The following ATP13A4 variants were observed in gnomAD, a reference collection of about 807,000 sequenced individuals.
ATP13A4 encodes probable cation-transporting ATPase 13A4.
In ATP13A4, 114 loss-of-function variants were observed where a neutral mutation model predicts 142.5. The observed-to-expected ratio is 0.80, with a 90% CI of 0.69 to 0.93. The LOEUF is 0.93. Ranked by LOEUF, ATP13A4 falls within the 40% of genes least tolerant of loss-of-function variation. The pLI is 0.00. For synonymous variants in ATP13A4, 488 were observed against 514.8 expected (o/e 0.95, Z 0.70); for missense variants, 1,392 against 1,454.0 (o/e 0.96, Z 0.69).
At chr3:193,416,778 G>A (rs558989321) in intron 25 of ATP13A4, among the ~76,000 whole-genome samples, 2 of 152,262 alleles carry the variant, frequency 1.3e-5, no homozygotes, top group African/African-American at 4.8e-5. Flanking sequence ...ATCGGAAGGA[G>A]AGAAGAGAAA....
intron 25 of ATP13A4, among the ~76,000 whole-genome samples, 170 bp from the exon 26 acceptor site, chr3:193,414,920 G>T (rs1714977376): frequency 6.6e-6 from 1 of 152,096 alleles, no homozygotes; most frequent in Non-Finnish European, 1.5e-5. Flanking sequence ...GTCATGTAAA[G>T]AATTCTTAAA....
intron 2 of ATP13A4, among the ~76,000 whole-genome samples, chr3:193,571,278 C>CAAAAAAAACAAAAA (rs1553862022): frequency 3.1e-5 from 3 of 95,712 alleles, no homozygotes; most frequent in Non-Finnish European, 5.9e-5. Context: ...GACCTTGTCT[C>CAAAAAAAACAAAAA]AAAAAAAAAA....
intron 10 of ATP13A4, among the ~76,000 whole-genome samples, chr3:193,466,501 C>T (rs1218789716): frequency 3.3e-5 from 5 of 152,106 alleles, no homozygotes; most frequent in Admixed American, 2.0e-4. Context: ...AACGTGTGCA[C>T]GCACACACAT....
Position 193,402,526 on chromosome 3 carries a change from CCATGATTTGATAGGTAG to C in ATP13A4, c.*109_*125del. On this transcript the variant is annotated 3_prime_UTR_variant, in exon 30 of 30. Coordinates refer to ENST00000342695, the MANE Select transcript of ATP13A4 (RefSeq NM_032279.4). Reference sequence around the variant, plus strand: ...TTATCAAACAGACTTTAGTTTGTCACCATGATTTGATAGGTAGCCCCAAAACTCCAGCTGATGTTACA... The same window carrying C: ...TTATCAAACAGACTTTAGTTTGTCACCCCCAAAACTCCAGCTGATGTTACA... 1 of 671,690 alleles carries C rather than the reference CCATGATTTGATAGGTAG, an allele frequency of 1.5e-6. No homozygotes were observed. Among genetic ancestry groups the C allele is most frequent in the Non-Finnish European group, 2.7e-6 (1 of 371,456 alleles). The allele number at this position is 671,690 out of a possible 1,614,324, so 41.6% of individuals were successfully genotyped here.
At chr3:193,515,545 T>C (rs570798678) in intron 1 of ATP13A4, among the ~76,000 whole-genome samples, 1 of 152,304 alleles carries the variant, frequency 6.6e-6, no homozygotes, top group Non-Finnish European at 1.5e-5. Context: ...CAAACAATTT[T>C]ATGTCAAGAG....
At chr3:193,551,203 A>G (rs930800475) in intron 1 of ATP13A4, among the ~76,000 whole-genome samples, 1 of 152,112 alleles carries the variant, frequency 6.6e-6, no homozygotes, top group Non-Finnish European at 1.5e-5. Flanking sequence ...CACAAGGTCA[A>G]GAGATTAAGA....
chr3:193,414,454 C>T, intron 26 of ATP13A4, 125 bp downstream of exon 26: 1 of 1,061,986 alleles, frequency 9.4e-7, no homozygotes. Context: ...AAAATTTGCC[C>T]AAGGGACTTT....
chr3:193,501,674 A>C (rs1190314924), intron 3 of ATP13A4, among the ~76,000 whole-genome samples: 2 of 152,116 alleles, frequency 1.3e-5, no homozygotes, highest in African/African-American at 4.8e-5. Flanking sequence ...TAAATAACTG[A>C]ACTTGAGCTC....
chr3:193,585,811 T>C lies in ATP13A4; in HGVS notation n.92-3905A>G, dbSNP rs148897563. Among the ~76,000 whole-genome samples the C allele has an allele frequency of 2.9e-3, 437 of 152,286 alleles. 3 individuals are homozygous for C. Among genetic ancestry groups the C allele is most frequent in the South Asian group, 0.017 (81 of 4,826 alleles). ...GCTATGAACATGTTTGTACAAGACTTTCCATGAACACGTTTTTACTTCTCC... is the reference window on the plus strand; with the variant it reads ...GCTATGAACATGTTTGTACAAGACTCTCCATGAACACGTTTTTACTTCTCC... On this transcript the variant is annotated intron_variant and non_coding_transcript_variant, in intron 1 of 3. Coordinates refer to the ATP13A4 transcript ENST00000489140.
At chr3:193,448,563 T>C (rs1441596429) in intron 17 of ATP13A4, among the ~76,000 whole-genome samples, 5 of 152,152 alleles carry the variant, frequency 3.3e-5, no homozygotes, top group Non-Finnish European at 7.3e-5. Flanking sequence ...CTTGAACTCC[T>C]GAATTCAAGT....
chr3:193,476,033 C>T (rs537443672), intron 8 of ATP13A4, among the ~76,000 whole-genome samples: 1 of 152,036 alleles, frequency 6.6e-6, no homozygotes, highest in East Asian at 1.9e-4. Context: ...GTAAAAAGCC[C>T]ATAGTGCTAA....
chr3:193,452,430 G>A (rs1441536872), intron 17 of ATP13A4, among the ~76,000 whole-genome samples: 3 of 152,102 alleles, frequency 2.0e-5, no homozygotes, highest in Non-Finnish European at 4.4e-5. Flanking sequence ...AGGAAGAATG[G>A]TCCAACAAGC....
chr3:193,590,777 T>C (rs1168809296), intron 1 of ATP13A4, among the ~76,000 whole-genome samples: 6 of 152,214 alleles, frequency 3.9e-5, no homozygotes, highest in African/African-American at 1.2e-4. Flanking sequence ...GCAGTTTCAA[T>C]ATAAGTAGTG....
chr3:193,511,490 C>T (rs954311779), intron 2 of ATP13A4, among the ~76,000 whole-genome samples: 3 of 152,142 alleles, frequency 2.0e-5, no homozygotes, highest in Admixed American at 1.3e-4. Flanking sequence ...GGAAAAGGCA[C>T]GTCATCCAGA....
intron 1 of ATP13A4, among the ~76,000 whole-genome samples, chr3:193,533,518 G>T (rs1292350968): frequency 6.6e-6 from 1 of 152,058 alleles, no homozygotes; most frequent in Non-Finnish European, 1.5e-5. Flanking sequence ...ATATATCCCA[G>T]GATTAGAGCA....
chr3:193,488,020 T>C (rs1268661905), intron 7 of ATP13A4, among the ~76,000 whole-genome samples: 1 of 152,116 alleles, frequency 6.6e-6, no homozygotes, highest in African/African-American at 2.4e-5. Flanking sequence ...TCCCAGCACT[T>C]TGGGAGGCTG....
intron 3 of ATP13A4, among the ~76,000 whole-genome samples, chr3:193,497,397 T>C (rs1255046455): frequency 1.3e-5 from 2 of 152,186 alleles, no homozygotes; most frequent in Admixed American, 6.6e-5. Context: ...AGAATGCTAT[T>C]ATCAAAAGAC....
At chr3:193,521,979 C>A (rs938389612) in intron 1 of ATP13A4, among the ~76,000 whole-genome samples, 5 of 151,920 alleles carry the variant, frequency 3.3e-5, no homozygotes, top group African/African-American at 1.2e-4. Context: ...AAAAACTGCA[C>A]CTCCATCTTT....
chr3:193,549,433 T>C (rs770780), intron 1 of ATP13A4, among the ~76,000 whole-genome samples: 1 of 136,660 alleles, frequency 7.3e-6, no homozygotes, highest in Non-Finnish European at 1.6e-5. Context: ...TATATATATA[T>C]AGAGAGAGAG....
Sources: allele counts gnomAD v4.1 joint callset (sites outside exome capture counted in the v4.1 genomes callset), GRCh38; gene constraint gnomAD v4.1.1; transcripts MANE v1.5; gene names NCBI Gene and HGNC (gene_info 2026-07-23, HGNC 2026-07-21).